Variants in TUNAR observed in about 807,000 individuals in gnomAD.
TUNAR encodes protein TUNAR.
chr14:95,916,141 A>G (rs1889601542), intron 2 of TUNAR, among the ~76,000 whole-genome samples: 1 of 152,252 alleles, frequency 6.6e-6, no homozygotes, highest in Non-Finnish European at 1.5e-5. Flanking sequence ...CATATTTAGA[A>G]TGTAAGTATA....
At chr14:95,887,770 T>G (rs1013927769) in intron 2 of TUNAR, among the ~76,000 whole-genome samples, 79 of 152,300 alleles carry the variant, frequency 5.2e-4, no homozygotes, top group African/African-American at 1.9e-3. Flanking sequence ...AAAACTATCC[T>G]CATGGGTTGG....
chr14:95,904,288 G>A (rs1889398700), intron 2 of TUNAR, among the ~76,000 whole-genome samples: 2 of 152,160 alleles, frequency 1.3e-5, no homozygotes, highest in South Asian at 4.1e-4. Context: ...TGGGGATCTG[G>A]GAGAAGGTCA....
chr14:95,921,105 C>T (rs1023122580), intron 2 of TUNAR, among the ~76,000 whole-genome samples: 2 of 152,202 alleles, frequency 1.3e-5, no homozygotes, highest in Admixed American at 1.3e-4. Context: ...GGGGGAATGT[C>T]AGCCTTTTTG....
intron 2 of TUNAR, among the ~76,000 whole-genome samples, chr14:95,883,634 G>C (rs1296552943): frequency 6.6e-6 from 1 of 152,292 alleles, no homozygotes; most frequent in South Asian, 2.1e-4. Context: ...TTGCATACTT[G>C]GAGGCACGCT....
chr14:95,909,826 G>A (rs1889485060), intron 2 of TUNAR, among the ~76,000 whole-genome samples: 1 of 152,214 alleles, frequency 6.6e-6, no homozygotes, highest in African/African-American at 2.4e-5. Flanking sequence ...ATGGTGACAG[G>A]ATAGGGCAGG....
At chr14:95,901,180 T>C (rs1889347584) in intron 2 of TUNAR, among the ~76,000 whole-genome samples, 1 of 152,216 alleles carries the variant, frequency 6.6e-6, no homozygotes, top group Non-Finnish European at 1.5e-5. Flanking sequence ...GTGTAAGAGC[T>C]TTCTGACCGG....
chr14:95,900,926 T>C (rs1251975749), intron 2 of TUNAR, among the ~76,000 whole-genome samples: 2 of 152,264 alleles, frequency 1.3e-5, no homozygotes, highest in East Asian at 3.8e-4. Flanking sequence ...GAGACAGGAC[T>C]GAAGCCATGT....
intron 2 of TUNAR, among the ~76,000 whole-genome samples, chr14:95,898,543 T>G (rs1187533348): frequency 6.6e-6 from 1 of 152,252 alleles, no homozygotes; most frequent in African/African-American, 2.4e-5. Context: ...GATTATATTC[T>G]TCTACATTTT....
At chr14:95,915,132 T>G (rs1889580050) in intron 2 of TUNAR, among the ~76,000 whole-genome samples, 1 of 152,190 alleles carries the variant, frequency 6.6e-6, no homozygotes, top group South Asian at 2.1e-4. Context: ...GTTAGCACTG[T>G]GTGTTCTAGA....
chr14:95,889,262 A>T (rs1332624116), intron 2 of TUNAR, among the ~76,000 whole-genome samples: 6 of 152,146 alleles, frequency 3.9e-5, no homozygotes, highest in African/African-American at 7.2e-5. Flanking sequence ...GAAAAATTAA[A>T]AATTATTTCT....
chr14:95,915,584 G>C (rs1889590784), intron 2 of TUNAR, among the ~76,000 whole-genome samples: 1 of 152,228 alleles, frequency 6.6e-6, no homozygotes, highest in Non-Finnish European at 1.5e-5. Flanking sequence ...GACCATGAAT[G>C]CTGGTTAGGC....
At chr14:95,898,665 T>C (rs2067615002) in intron 2 of TUNAR, among the ~76,000 whole-genome samples, 1 of 152,258 alleles carries the variant, frequency 6.6e-6, no homozygotes, top group South Asian at 2.1e-4. Flanking sequence ...CTAACATTTT[T>C]AACCTCTGAG....
chr14:95,923,187 G>A, exon 3 of TUNAR: 1 of 373,168 alleles, frequency 2.7e-6, no homozygotes, highest in Non-Finnish European at 4.8e-6. Context: ...CTCATTCACA[G>A]CACTAGGAAC....
intron 2 of TUNAR, among the ~76,000 whole-genome samples, chr14:95,902,941 A>T (rs1311525102): frequency 6.6e-6 from 1 of 152,182 alleles, no homozygotes; most frequent in African/African-American, 2.4e-5. Context: ...TTCTCAGTAA[A>T]TATCTGGTAT....
chr14:95,922,214 C>T (rs1361918425), intron 2 of TUNAR, among the ~76,000 whole-genome samples: 1 of 152,238 alleles, frequency 6.6e-6, no homozygotes, highest in Non-Finnish European at 1.5e-5. Flanking sequence ...ATGAGAATTT[C>T]TCATGGCGTT....
chr14:95,924,964 G>C (rs973948659), exon 3 of TUNAR: 3 of 152,230 alleles, frequency 2.0e-5, no homozygotes, highest in Admixed American at 2.0e-4. Flanking sequence ...CTTGGGCTCT[G>C]TTAAATGGAC....
chr14:95,919,863 C>T (rs1222237717), intron 2 of TUNAR, among the ~76,000 whole-genome samples: 1 of 152,070 alleles, frequency 6.6e-6, no homozygotes, highest in Non-Finnish European at 1.5e-5. Context: ...TATGGGTGCT[C>T]ACTGTAAAAT....
chr14:95,877,692 A>G (rs1888911197), intron 2 of TUNAR, among the ~76,000 whole-genome samples: 1 of 152,188 alleles, frequency 6.6e-6, no homozygotes, highest in Non-Finnish European at 1.5e-5. Flanking sequence ...CTTTGTAACA[A>G]ACACACCTGT....
intron 2 of TUNAR, among the ~76,000 whole-genome samples, chr14:95,919,699 CA>C (rs1448547257): frequency 6.6e-6 from 1 of 152,128 alleles, no homozygotes; most frequent in East Asian, 1.9e-4. Context: ...GGCAAAAGAA[CA>C]AGAGCCTGTC....
Sources: gnomAD v4.1 joint callset for allele counts (sites outside exome capture counted in the v4.1 genomes callset) on GRCh38, gnomAD v4.1.1 for gene constraint, MANE v1.5 for transcripts, NCBI Gene and HGNC (gene_info 2026-07-23, HGNC 2026-07-21) for gene names.